The following SEMA3D variants were observed in gnomAD, a reference collection of about 807,000 sequenced individuals.
SEMA3D encodes semaphorin-3D.
SEMA3D carries 84 observed loss-of-function variants against 100.1 expected under a neutral mutation model. The ratio of observed to expected loss-of-function variants is 0.84; its 90% CI spans 0.70 to 1.01. The LOEUF (loss-of-function observed/expected upper bound fraction) is 1.01, where lower values mean the gene tolerates loss of function less well. Ranked by LOEUF, SEMA3D falls within the 50% of genes least tolerant of loss-of-function variation. The pLI is 0.00. For missense variants in SEMA3D, 875 were observed against 934.1 expected, an observed-to-expected ratio of 0.94 and a Z score of 0.82; for synonymous variants, 312 against 320.7, an observed-to-expected ratio of 0.97 and a Z score of 0.29.
intron 12 of SEMA3D, 38 bp from the exon 13 acceptor site, chr7:85,022,651 A>G (rs1406791644): frequency 7.4e-7 from 1 of 1,343,216 alleles, no homozygotes; most frequent in African/African-American, 1.4e-5. Flanking sequence ...GACATTGTTT[A>G]TGCACCTGAG....
chr7:85,189,565 G>T (rs925158223), upstream of SEMA3D, among the ~76,000 whole-genome samples: 1 of 152,138 alleles, frequency 6.6e-6, no homozygotes, highest in East Asian at 1.9e-4. Flanking sequence ...AAGATTTAAC[G>T]AGTGAGCCTT....
intron 2 of SEMA3D, chr7:85,141,923 G>C: frequency 1.0e-6 from 1 of 981,016 alleles, no homozygotes; most frequent in Non-Finnish European, 1.2e-6. Flanking sequence ...AATTTATGAT[G>C]TGTGCAATGC....
At position 85,086,761 on chromosome 7, in the gene SEMA3D, T is replaced by C. The variant is rs143207805; in HGVS notation, c.313-5182A>G. Among the ~76,000 whole-genome samples the C allele has an allele frequency of 5.8e-3, 881 of 151,648 alleles. 6 individuals are homozygous for C. Among genetic ancestry groups the C allele is most frequent in the Non-Finnish European group, 6.3e-3 (429 of 67,916 alleles). ...AATAGAGATGTCAACTATAGGGTCA[T>C]TGGGTATAGAATAAGATATGTTTCA... On this transcript the variant is annotated intron_variant, in intron 4 of 18. Coordinates refer to ENST00000284136, the MANE Select transcript of SEMA3D (RefSeq NM_001384900.1).
chr7:85,242,044 AAAAAG>A, the SEMA3D span, among the ~76,000 whole-genome samples: 1 of 152,042 alleles, frequency 6.6e-6, no homozygotes, highest in Non-Finnish European at 1.5e-5. Flanking sequence ...ACCATAAAAA[AAAAAG>A]AAATTTGTGT....
intron 3 of SEMA3D, among the ~76,000 whole-genome samples, chr7:85,106,518 T>C (rs756784185): frequency 1.3e-5 from 2 of 152,096 alleles, no homozygotes; most frequent in African/African-American, 2.4e-5. Flanking sequence ...TTTATAACAA[T>C]ATTGTTTTAT....
At position 84,999,581 on chromosome 7, in the gene SEMA3D, G is replaced by C. The variant is rs763661874; in HGVS notation, c.2193C>G (p.Cys731Trp). Reference sequence around the variant, plus strand: ...GCTTCTCCCTGTGCCACATCTGTTCGCAGTACTGGTCGAGGCTGAAGTTTG... The same window carrying C: ...GCTTCTCCCTGTGCCACATCTGTTCCCAGTACTGGTCGAGGCTGAAGTTTG... ...SSPNFSLDQY[C>W]EQMWHREKRR... Residue 731 changes from cysteine to tryptophan, a missense_variant, in exon 19 of 19, where the codon TGC (cysteine) becomes TGG (tryptophan). Cys to Trp is a radical substitution (Grantham distance 215). Coordinates refer to ENST00000284136, the MANE Select transcript of SEMA3D (RefSeq NM_001384900.1). 6.2e-7 allele frequency: 1 copy of C among 1,614,042 alleles called. No individual in the cohort carries two copies. Among genetic ancestry groups the C allele is most frequent in the Non-Finnish European group, 8.5e-7 (1 of 1,180,006 alleles).
rs148335845 is a variant in SEMA3D, at chr7:85,037,032, A to T, written c.1048T>A (p.Ser350Thr). The T allele has an allele frequency of 3.7e-6, 6 of 1,609,682 alleles. No individual in the cohort carries two copies. In the Admixed American group the frequency reaches 1.0e-4, roughly 27 times the overall value. Residue 350 changes from serine to threonine, a missense_variant and splice_region_variant, in exon 12 of 19, where the codon TCC (serine) becomes ACC (threonine). Ser to Thr is a moderately conservative substitution (Grantham distance 58). Coordinates refer to ENST00000284136, the MANE Select transcript of SEMA3D (RefSeq NM_001384900.1). ...CAAACAGCAGAGCCTTTGAAGATGG[A>T]GCTGGAAAAAAAAAGCATCATCATT... The part of the protein sequence containing the change: ...VVYGVFTTTS[S>T]IFKGSAVCVY...
chr7:85,120,426 G>A (rs185023148), intron 3 of SEMA3D, among the ~76,000 whole-genome samples: 7 of 152,162 alleles, frequency 4.6e-5, no homozygotes, highest in Admixed American at 3.9e-4. Context: ...CTAGCACTTT[G>A]GGAGGCTGAG....
the SEMA3D span, among the ~76,000 whole-genome samples, chr7:85,234,566 C>T: frequency 3.6e-4 from 55 of 152,168 alleles, no homozygotes; most frequent in Non-Finnish European, 6.8e-4. Flanking sequence ...AGGGCTGCAC[C>T]TACAGAGCTT....
chr7:85,064,343 C>T (rs114986408), intron 8 of SEMA3D, among the ~76,000 whole-genome samples: 1 of 152,162 alleles, frequency 6.6e-6, no homozygotes, highest in Non-Finnish European at 1.5e-5. Flanking sequence ...CTTTGCTTTG[C>T]ATGTGTGTTA....
chr7:85,020,772 ATGT>A lies in SEMA3D; in HGVS notation c.1415-454_1415-452del, dbSNP rs569788610. Reference sequence around the variant, plus strand: ...AAGACAGATATATATTCTTTTAATAATGTTGTCAAATGAACAAAAAAATCATTG... The same window carrying A: ...AAGACAGATATATATTCTTTTAATAATGTCAAATGAACAAAAAAATCATTG... On this transcript the variant is annotated intron_variant, in intron 13 of 18. Transcript: ENST00000284136. Among the ~76,000 whole-genome samples, 41 of 151,718 alleles carry A rather than the reference ATGT, an allele frequency of 2.7e-4. No homozygotes were observed. The South Asian group carries it at 5.0e-3, about 18-fold the overall frequency.
chr7:85,132,304 G>A (rs1789746776), intron 2 of SEMA3D, among the ~76,000 whole-genome samples: 1 of 151,840 alleles, frequency 6.6e-6, no homozygotes, highest in Non-Finnish European at 1.5e-5. Context: ...GTGAAGCAAT[G>A]TCTCCTAACT....
At chr7:85,231,429 T>C in the SEMA3D span, among the ~76,000 whole-genome samples, 1 of 147,020 alleles carries the variant, frequency 6.8e-6, no homozygotes, top group Non-Finnish European at 1.5e-5. Context: ...GTAAAACCAA[T>C]CTTTCCCTTT....
the SEMA3D span, among the ~76,000 whole-genome samples, chr7:85,207,020 G>A: frequency 6.6e-6 from 1 of 152,030 alleles, no homozygotes; most frequent in Non-Finnish European, 1.5e-5. Flanking sequence ...TAACACCATA[G>A]AGTCTATTTA....
chr7:85,107,481 C>T (rs1788963970), intron 3 of SEMA3D, among the ~76,000 whole-genome samples: 1 of 152,034 alleles, frequency 6.6e-6, no homozygotes, highest in East Asian at 1.9e-4. Context: ...TTTACATTAT[C>T]TTCCTTAGTT....
At chr7:85,078,457 G>A (rs1184278609) in intron 5 of SEMA3D, among the ~76,000 whole-genome samples, 1 of 152,128 alleles carries the variant, frequency 6.6e-6, no homozygotes, top group African/African-American at 2.4e-5. Flanking sequence ...CTCTGTGGTT[G>A]AGCTGACAAA....
intron 14 of SEMA3D, 22 bp downstream of exon 14, chr7:85,020,210 TG>T: frequency 6.6e-7 from 1 of 1,523,772 alleles, no homozygotes; most frequent in Non-Finnish European, 9.1e-7. Context: ...TCTTTTCTCC[TG>T]GCACTCTGGA....
intron 2 of SEMA3D, among the ~76,000 whole-genome samples, chr7:85,123,819 G>A (rs1203605538): frequency 6.6e-6 from 1 of 151,866 alleles, no homozygotes; most frequent in African/African-American, 2.4e-5. Flanking sequence ...ATATAAGTTG[G>A]TTTAGATTCT....
At chr7:85,117,601 C>T (rs571570087) in intron 3 of SEMA3D, among the ~76,000 whole-genome samples, 263 of 152,096 alleles carry the variant, frequency 1.7e-3, no homozygotes, top group Middle Eastern at 6.8e-3. Context: ...GGTGAAACTC[C>T]GTCTCTACAA....
Sources: allele counts gnomAD v4.1 joint callset (sites outside exome capture counted in the v4.1 genomes callset), GRCh38; gene constraint gnomAD v4.1.1; transcripts MANE v1.5; gene names NCBI Gene and HGNC (gene_info 2026-07-23, HGNC 2026-07-21).